Variants in RHOBTB2 observed in about 807,000 individuals in gnomAD.
RHOBTB2 encodes Rho related BTB domain containing 2, also known as rho-related BTB domain-containing protein 2.
A neutral mutation model predicts 66.5 loss-of-function variants in RHOBTB2; 39 were observed. The ratio of observed to expected loss-of-function variants is 0.59; its 90% CI spans 0.45 to 0.77. The LOEUF is 0.77. RHOBTB2 is among the 30% of genes least tolerant of loss of function. RHOBTB2 has a pLI of 0.00. For missense variants in RHOBTB2, 755 were observed against 999.1 expected (o/e 0.76, Z 3.29); for synonymous variants, 390 against 395.0 (o/e 0.99, Z 0.15).
chr8:22,988,946 T>A (rs1252877435), intron 1 of RHOBTB2, among the ~76,000 whole-genome samples: 1 of 152,128 alleles, frequency 6.6e-6, no homozygotes, highest in Non-Finnish European at 1.5e-5. Flanking sequence ...CATGTAAGGA[T>A]CTTGCTGGCC....
At chr8:22,972,427 G>T in the RHOBTB2 span, among the ~76,000 whole-genome samples, 2 of 152,158 alleles carry the variant, frequency 1.3e-5, no homozygotes, top group Non-Finnish European at 2.9e-5. Context: ...CCTTGCTAAG[G>T]TTTCTTGAAT....
In RHOBTB2 at chr8:23,007,593, C is replaced by T. The variant is rs369779273; in HGVS notation, c.1348C>T (p.His450Tyr). The change falls in exon 5 of 10, where the codon CAC (histidine) becomes TAC (tyrosine). Residue 450 changes from histidine (H) to tyrosine (Y), a missense_variant. Coordinates refer to ENST00000251822, the MANE Select transcript of RHOBTB2 (RefSeq NM_015178.3). Reference sequence around the variant, plus strand: ...CGAGCGTGACCTCATGCACATTGCCCACATTGCTGAGCTGCTCGAGGTCTT... The same window carrying T: ...CGAGCGTGACCTCATGCACATTGCCTACATTGCTGAGCTGCTCGAGGTCTT... ...ENERDLMHIAHIAELLEVFDL... is the reference protein window; with the variant it reads ...ENERDLMHIAYIAELLEVFDL... The T allele has an allele frequency of 2.4e-5, 39 of 1,614,072 alleles. No individual in the cohort carries two copies. Among genetic ancestry groups the T allele is most frequent in the Admixed American group, 6.7e-5 (4 of 59,996 alleles).
chr8:22,994,555 A>T, upstream of RHOBTB2: 1 of 1,545,294 alleles, frequency 6.5e-7, no homozygotes, highest in South Asian at 1.2e-5. Flanking sequence ...TGTTCCTCAC[A>T]ACCAGGAGCC....
chr8:22,978,897 T>G, the RHOBTB2 span, among the ~76,000 whole-genome samples: 1 of 152,306 alleles, frequency 6.6e-6, no homozygotes, highest in Admixed American at 6.5e-5. Context: ...TTCTTATCTT[T>G]GAAAGTAAGT....
rs1225683940 is a variant in RHOBTB2 at position 23,000,047 on chromosome 8, T to C, written c.-69T>C. Reference sequence around the variant, plus strand: ...CCCTGACATTTCACTAAAATGAGCGTGCTCAGCAGGAAGAGATGTGTTCCT... The same window carrying C: ...CCCTGACATTTCACTAAAATGAGCGCGCTCAGCAGGAAGAGATGTGTTCCT... On this transcript the variant is annotated 5_prime_UTR_variant, in exon 1 of 10. Coordinates refer to ENST00000251822, the MANE Select transcript of RHOBTB2 (RefSeq NM_015178.3). 1 of 985,394 alleles carries C rather than the reference T, an allele frequency of 1.0e-6. No individual in the cohort carries two copies. Among genetic ancestry groups the C allele is most frequent in the African/African-American group, 1.7e-5 (1 of 57,234 alleles). The allele number at this position is 985,394 out of a possible 1,614,324, so 61.0% of individuals were successfully genotyped here.
At chr8:22,953,014 C>G in the RHOBTB2 span, among the ~76,000 whole-genome samples, 1 of 152,102 alleles carries the variant, frequency 6.6e-6, no homozygotes, top group Non-Finnish European at 1.5e-5. Context: ...GACTTGGGGT[C>G]TTATACATTG....
rs370278896 is a variant in RHOBTB2, at chr8:23,015,700, C to T, written c.1923C>T (p.Asn641=). 16 of 1,614,008 alleles carry T rather than the reference C, an allele frequency of 9.9e-6. No homozygotes were observed. The highest frequency in any genetic ancestry group is 1.7e-4 in the Middle Eastern group (1 of 6,058). ...CLHHICTNYN[N]VCRKFPRDMK... ...ACCACATCTGCACCAACTACAACAA[C>T]GTGTGCCGCAAGTTCCCCCGAGACA... Residue 641 remains asparagine (N), a synonymous_variant, in exon 9 of 10, where the codon AAC becomes AAT. Transcript: ENST00000251822.
intron 1 of RHOBTB2, among the ~76,000 whole-genome samples, chr8:22,988,893 T>C (rs1027415218): frequency 2.6e-5 from 4 of 152,198 alleles, no homozygotes; most frequent in Admixed American, 1.3e-4. Context: ...GCACGGGCTC[T>C]GCAGAAGTGG....
chr8:22,972,684 G>A, the RHOBTB2 span, among the ~76,000 whole-genome samples: 2 of 152,304 alleles, frequency 1.3e-5, no homozygotes, highest in South Asian at 2.1e-4. Flanking sequence ...AGATGTGGAG[G>A]GTTGGACCCT....
At chr8:22,955,241 A>G in the RHOBTB2 span, among the ~76,000 whole-genome samples, 135 of 152,314 alleles carry the variant, frequency 8.9e-4, no homozygotes, top group Non-Finnish European at 1.5e-4. Context: ...TCAGAAAAAA[A>G]TCAACAACCC....
the RHOBTB2 span, among the ~76,000 whole-genome samples, chr8:22,977,462 C>T: frequency 6.6e-6 from 1 of 151,686 alleles, no homozygotes; most frequent in African/African-American, 2.4e-5. Context: ...GTTCCAGCTA[C>T]TCAGGAGGCT....
chr8:22,995,902 T>G (rs1810538190), upstream of RHOBTB2: 3 of 1,550,746 alleles, frequency 1.9e-6, no homozygotes, highest in Non-Finnish European at 2.6e-6. Flanking sequence ...CTGCAAAGTG[T>G]TGAAGGGTAA....
chr8:22,993,968 ACT>A (rs1810483821), intron 2 of RHOBTB2, among the ~76,000 whole-genome samples: 1 of 151,546 alleles, frequency 6.6e-6, no homozygotes, highest in Admixed American at 6.6e-5. Context: ...TTTAATCCTC[ACT>A]CTCTCTCCAA....
rs1242699168 is a variant in RHOBTB2 at position 23,007,359 on chromosome 8, C to T, written c.1114C>T (p.Arg372Trp). 6 of 1,613,572 alleles carry T rather than the reference C, an allele frequency of 3.7e-6. No homozygotes were observed. The highest frequency in any genetic ancestry group is 1.3e-5 in the African/African-American group (1 of 74,924). ...TGCTTCCACCAGCGACGGGATCTTA[C>T]GGGGCAACGGAACAGGGTACCTACC... ...LRASTSDGIL[R>W]GNGTGYLPGR... The change falls in exon 5 of 10, where the codon CGG becomes TGG. Residue 372 changes from arginine (R) to tryptophan (W), a missense_variant. Arg to Trp is a moderately radical substitution (Grantham distance 101, BLOSUM62 -3). Transcript: ENST00000251822.
intron 9 of RHOBTB2, 43 bp downstream of exon 9, chr8:23,015,786 C>A: frequency 1.5e-6 from 2 of 1,351,002 alleles, no homozygotes; most frequent in South Asian, 1.2e-5. Flanking sequence ...CTGCCCTCCC[C>A]TTAGGGGTGC....
the RHOBTB2 span, among the ~76,000 whole-genome samples, chr8:22,969,629 G>A: frequency 3.9e-5 from 6 of 152,066 alleles, no homozygotes; most frequent in African/African-American, 9.7e-5. Context: ...TAATTTAACC[G>A]AGATATTCTA....
In RHOBTB2 at chr8:23,000,075, C is replaced by A. The variant is rs1202028545; in HGVS notation, c.-41C>A. The A allele has an allele frequency of 4.1e-6, 4 of 985,396 alleles. No homozygotes were observed. Among genetic ancestry groups the A allele is most frequent in the Non-Finnish European group, 3.6e-6 (3 of 829,968 alleles). The allele number at this position is 985,396 out of a possible 1,614,324, so 61.0% of individuals were successfully genotyped here. On this transcript the variant is annotated 5_prime_UTR_variant, in exon 1 of 10. Transcript: ENST00000251822. Reference sequence around the variant, plus strand: ...TCAGCAGGAAGAGATGTGTTCCTCACGCTAGAAGCCACCCCGTCACATGTA... The same window carrying A: ...TCAGCAGGAAGAGATGTGTTCCTCAAGCTAGAAGCCACCCCGTCACATGTA...
the RHOBTB2 span, among the ~76,000 whole-genome samples, chr8:22,971,074 G>A: frequency 6.6e-6 from 1 of 152,102 alleles, no homozygotes; most frequent in Non-Finnish European, 1.5e-5. Flanking sequence ...CCCAACATGA[G>A]GGAGAAGCCA....
chr8:22,983,351 C>A (rs368227445), upstream of RHOBTB2, among the ~76,000 whole-genome samples: 386 of 138,058 alleles, frequency 2.8e-3, no homozygotes, highest in South Asian at 4.1e-3. Context: ...AAAAAAAAAA[C>A]AAAAAAGAAG....
Sources: allele counts gnomAD v4.1 joint callset (sites outside exome capture counted in the v4.1 genomes callset), GRCh38; gene constraint gnomAD v4.1.1; transcripts MANE v1.5; gene names NCBI Gene and HGNC (gene_info 2026-07-23, HGNC 2026-07-21).